Variants in LRRC4C observed in about 807,000 individuals in gnomAD.
LRRC4C encodes the protein leucine rich repeat containing 4C, also known as leucine-rich repeat-containing protein 4C.
In LRRC4C, 5 loss-of-function variants were observed where a neutral mutation model predicts 33.6. The ratio of observed to expected loss-of-function variants is 0.15; its 90% CI spans 0.08 to 0.31. The LOEUF is 0.31. LRRC4C is among the 10% of genes least tolerant of loss of function. The pLI, the probability that LRRC4C is intolerant of heterozygous loss-of-function variation, is 1.00. For synonymous variants in LRRC4C, 329 were observed against 302.0 expected (o/e 1.09, Z -0.93); for missense variants, 560 against 796.7 (o/e 0.70, Z 3.58).
chr11:41,396,873 CA>C (rs1441029377), intron 1 of LRRC4C, among the ~76,000 whole-genome samples: 1 of 151,964 alleles, frequency 6.6e-6, no homozygotes, highest in Non-Finnish European at 1.5e-5. Context: ...AGCTTCTGCA[CA>C]GCAAAAGAAA....
chr11:40,766,066 G>T (rs1458578946), intron 2 of LRRC4C, among the ~76,000 whole-genome samples: 2 of 128,880 alleles, frequency 1.6e-5, no homozygotes, highest in African/African-American at 6.0e-5. Context: ...ATAAAGAAAA[G>T]ATCCTAAAAG....
intron 3 of LRRC4C, among the ~76,000 whole-genome samples, chr11:40,435,766 C>G (rs1951115569): frequency 6.6e-6 from 1 of 152,130 alleles, no homozygotes; most frequent in South Asian, 2.1e-4. Flanking sequence ...CAATATGCAA[C>G]TATTAACCCG....
chr11:40,236,312 G>A (rs1039714534), intron 5 of LRRC4C, among the ~76,000 whole-genome samples: 4 of 152,112 alleles, frequency 2.6e-5, no homozygotes, highest in African/African-American at 9.7e-5. Context: ...GGAGCTATAG[G>A]TCCTATCAAA....
chr11:41,134,525 G>C (rs1943170152), intron 1 of LRRC4C, among the ~76,000 whole-genome samples: 1 of 152,168 alleles, frequency 6.6e-6, no homozygotes, highest in African/African-American at 2.4e-5. Flanking sequence ...TTAAAAGGTA[G>C]AATATTTCCT....
At chr11:41,110,119 A>G (rs1941744920) in intron 1 of LRRC4C, among the ~76,000 whole-genome samples, 1 of 151,974 alleles carries the variant, frequency 6.6e-6, no homozygotes, top group Non-Finnish European at 1.5e-5. Flanking sequence ...GCTTATCTAT[A>G]TTTAAGTGGA....
At position 40,774,068 on chromosome 11, in the gene LRRC4C, TG is replaced by T. The variant is rs545837325; in HGVS notation, c.-406-125791del. Among the ~76,000 whole-genome samples, 152 of 152,254 alleles carry T rather than the reference TG, an allele frequency of 1.0e-3. 1 individual carries two copies. The highest frequency in any genetic ancestry group is 3.1e-3 in the African/African-American group (130 of 41,568). On this transcript the variant is annotated intron_variant, in intron 2 of 6. Coordinates refer to ENST00000528697, the MANE Select transcript of LRRC4C (RefSeq NM_001258419.2). ...TCTGCTTTTTGTGTCAATTGATCCA[TG>T]GGCTTTTTAAATATTTTCTATAAAT...
chr11:40,842,921 ACTT>A (rs1157905502), intron 2 of LRRC4C, among the ~76,000 whole-genome samples: 8 of 152,134 alleles, frequency 5.3e-5, no homozygotes, highest in Non-Finnish European at 1.0e-4. Flanking sequence ...GCAAAGTGAC[ACTT>A]CTTACCCATT....
chr11:40,560,349 T>C (rs1260267279), intron 3 of LRRC4C, among the ~76,000 whole-genome samples: 2 of 152,266 alleles, frequency 1.3e-5, no homozygotes, highest in East Asian at 1.9e-4. Flanking sequence ...GTTCCAAATA[T>C]ATTAAATATT....
rs771137667 is a variant in LRRC4C at position 41,072,967 on chromosome 11, T to C, written c.-495-139244A>G. ...TTTGTTAAGTGTTCTGATTATAGAT[T>C]TGTATAAGTTGGGAGTGATCTGCCC... On this transcript the variant is annotated intron_variant, in intron 1 of 6. Coordinates refer to ENST00000528697, the MANE Select transcript of LRRC4C (RefSeq NM_001258419.2). Among the ~76,000 whole-genome samples the C allele has an allele frequency of 7.7e-4, 118 of 152,302 alleles. 1 individual carries two copies. Among genetic ancestry groups the C allele is most frequent in the Non-Finnish European group, 7.9e-4 (54 of 68,030 alleles).
At chr11:41,136,763 T>G (rs1251223630) in intron 1 of LRRC4C, among the ~76,000 whole-genome samples, 1 of 152,118 alleles carries the variant, frequency 6.6e-6, no homozygotes, top group Non-Finnish European at 1.5e-5. Context: ...TCCTTCCCAC[T>G]ACCAAACTGT....
intron 3 of LRRC4C, among the ~76,000 whole-genome samples, chr11:40,463,268 T>C (rs1480283460): frequency 6.7e-6 from 1 of 150,126 alleles, no homozygotes; most frequent in African/African-American, 2.4e-5. Flanking sequence ...GGCATAGAAG[T>C]ATTATTGGGA....
chr11:41,186,314 G>A (rs1469562765), intron 1 of LRRC4C, among the ~76,000 whole-genome samples: 3 of 152,140 alleles, frequency 2.0e-5, no homozygotes, highest in African/African-American at 7.2e-5. Flanking sequence ...ATTGAAGGCA[G>A]CAACCAATAA....
chr11:40,560,064 A>T (rs1258888776), intron 3 of LRRC4C, among the ~76,000 whole-genome samples: 1 of 152,156 alleles, frequency 6.6e-6, no homozygotes. Flanking sequence ...TTATTTTAAG[A>T]TCTTTCCTCT....
At chr11:40,579,977 G>A (rs1037160734) in intron 3 of LRRC4C, among the ~76,000 whole-genome samples, 7 of 151,994 alleles carry the variant, frequency 4.6e-5, no homozygotes, top group African/African-American at 1.7e-4. Context: ...GGACTGAGGA[G>A]AGCTTGTAGA....
At chr11:40,258,133 C>G (rs976305359) in intron 4 of LRRC4C, among the ~76,000 whole-genome samples, 8 of 152,124 alleles carry the variant, frequency 5.3e-5, no homozygotes, top group African/African-American at 1.9e-4. Flanking sequence ...TTCATAGTCT[C>G]TAGATGAATA....
intron 3 of LRRC4C, among the ~76,000 whole-genome samples, chr11:40,322,009 C>G (rs1408399958): frequency 6.6e-6 from 1 of 152,018 alleles, no homozygotes; most frequent in East Asian, 1.9e-4. Context: ...GAGAACAAGG[C>G]AGGGGGTTTG....
At chr11:40,441,712 G>A (rs1951403785) in intron 3 of LRRC4C, among the ~76,000 whole-genome samples, 1 of 152,178 alleles carries the variant, frequency 6.6e-6, no homozygotes, top group Non-Finnish European at 1.5e-5. Flanking sequence ...TCTATGAGAA[G>A]GTGAAAATAA....
At chr11:41,123,529 C>T (rs536785552) in intron 1 of LRRC4C, among the ~76,000 whole-genome samples, 53 of 151,882 alleles carry the variant, frequency 3.5e-4, no homozygotes, top group African/African-American at 1.3e-3. Context: ...GCCTCGGCCT[C>T]CCAAAGTGCT....
chr11:40,160,942 G>C (rs2135345497), intron 5 of LRRC4C, among the ~76,000 whole-genome samples: 1 of 152,256 alleles, frequency 6.6e-6, no homozygotes, highest in Non-Finnish European at 1.5e-5. Context: ...GCGACTTCAG[G>C]CTTCCCACCC....
Sources: allele counts gnomAD v4.1 joint callset (sites outside exome capture counted in the v4.1 genomes callset), GRCh38; gene constraint gnomAD v4.1.1; transcripts MANE v1.5; gene names NCBI Gene and HGNC (gene_info 2026-07-23, HGNC 2026-07-21).